ABCB5: variants seen among roughly 807,000 people sequenced by gnomAD.
ABCB5 encodes the protein ATP-binding cassette sub-family B member 5.
In ABCB5, 155 loss-of-function variants were observed where a neutral mutation model predicts 144.2. That is an observed-to-expected ratio of 1.08 (90% CI 0.94 to 1.23). ABCB5 has a LOEUF of 1.23. ABCB5 is among the 50% of genes most tolerant of loss of function. The probability of loss-of-function intolerance (pLI) is 0.00; values close to 1 mark genes in which losing one functional copy is unlikely to be tolerated. For synonymous variants in ABCB5, 610 were observed against 528.6 expected (o/e 1.15, Z -2.11); for missense variants, 1,830 against 1,520.8 (o/e 1.20, Z -3.38).
At chr7:20,740,252 AT>A (rs542724378) in intron 24 of ABCB5, among the ~76,000 whole-genome samples, 11 of 152,296 alleles carry the variant, frequency 7.2e-5, no homozygotes, top group African/African-American at 2.6e-4. Flanking sequence ...AAATAAATAA[AT>A]AAATACAAAA....
chr7:20,674,245 G>C (rs1785536866), intron 14 of ABCB5, among the ~76,000 whole-genome samples: 2 of 151,954 alleles, frequency 1.3e-5, no homozygotes, highest in Middle Eastern at 3.4e-3. Flanking sequence ...ATTCTTTTGT[G>C]TATATCCATA....
At position 20,753,414 on chromosome 7, in the gene ABCB5, C is replaced by CA. The variant is rs770113844; in HGVS notation, c.3487dup (p.Arg1163LysfsTer19). The CA allele has an allele frequency of 5.0e-6, 8 of 1,614,084 alleles. No homozygotes were observed. In the South Asian group the frequency reaches 8.8e-5, roughly 18 times the overall value. On this transcript the variant is annotated frameshift_variant, in exon 27 of 28. Coordinates refer to ENST00000404938, the MANE Select transcript of ABCB5 (RefSeq NM_001163941.2). LOFTEE classifies it high-confidence loss of function. ...AGCACAGCTTTCTGGCGGCCAGAAACAAAGACTAGCTATTGCAAGGGCTCT... is the reference window on the plus strand; with the variant it reads ...AGCACAGCTTTCTGGCGGCCAGAAACAAAAGACTAGCTATTGCAAGGGCTCT...
intron 16 of ABCB5, among the ~76,000 whole-genome samples, chr7:20,688,483 G>A (rs890423739): frequency 6.6e-6 from 1 of 152,166 alleles, no homozygotes. Flanking sequence ...GTGCTGGAGA[G>A]GATGTGGAGA....
intron 9 of ABCB5, 68 bp from the exon 10 acceptor site, chr7:20,647,467 A>T (rs1226918925): frequency 1.2e-5 from 18 of 1,483,616 alleles, no homozygotes; most frequent in Non-Finnish European, 1.4e-5. Context: ...CAATAATTAT[A>T]TATTACATTC....
intron 23 of ABCB5, among the ~76,000 whole-genome samples, chr7:20,736,628 A>G (rs1782386682): frequency 6.6e-6 from 1 of 152,246 alleles, no homozygotes; most frequent in Non-Finnish European, 1.5e-5. Context: ...GTTGGCCTGT[A>G]CATTTCTCCC....
intron 11 of ABCB5, among the ~76,000 whole-genome samples, chr7:20,648,464 C>T (rs1037343018): frequency 2.0e-5 from 3 of 152,068 alleles, no homozygotes; most frequent in Non-Finnish European, 4.4e-5. Flanking sequence ...TCCCTTCTTC[C>T]TTTCCTGGGG....
chr7:20,698,626 C>G (rs1786505240), intron 17 of ABCB5, 76 bp downstream of exon 17: 2 of 1,400,572 alleles, frequency 1.4e-6, no homozygotes, highest in Non-Finnish European at 1.9e-6. Flanking sequence ...TTGTATCAGT[C>G]TAAACCACAA....
intron 16 of ABCB5, among the ~76,000 whole-genome samples, chr7:20,690,433 T>G (rs530876759): frequency 6.6e-6 from 1 of 152,362 alleles, no homozygotes; most frequent in South Asian, 2.1e-4. Flanking sequence ...TATCATTTAG[T>G]ATATTTACAC....
chr7:20,644,708 C>T (rs1031473698), intron 7 of ABCB5, among the ~76,000 whole-genome samples: 1 of 152,216 alleles, frequency 6.6e-6, no homozygotes, highest in Non-Finnish European at 1.5e-5. Context: ...CAACACTAAT[C>T]ATTCTTTATG....
At chr7:20,695,885 TAGAA>T (rs1786395890) in intron 16 of ABCB5, among the ~76,000 whole-genome samples, 1 of 152,050 alleles carries the variant, frequency 6.6e-6, no homozygotes, top group Non-Finnish European at 1.5e-5. Flanking sequence ...ATACACCTGT[TAGAA>T]TGGTTAAATC....
chr7:20,689,985 T>G (rs530066481), intron 16 of ABCB5, among the ~76,000 whole-genome samples: 1 of 152,306 alleles, frequency 6.6e-6, no homozygotes, highest in South Asian at 2.1e-4. Context: ...GACCGGTTCA[T>G]GCAGGGCCTC....
At chr7:20,691,585 T>TATTTATTTATTC (rs1786232549) in intron 16 of ABCB5, among the ~76,000 whole-genome samples, 1 of 149,804 alleles carries the variant, frequency 6.7e-6, no homozygotes, top group Non-Finnish European at 1.5e-5. Context: ...AATTCATTTT[T>TATTTATTTATTC]ATTTATTTAT....
At chr7:20,738,899 C>G (rs1782472007) in intron 23 of ABCB5, 84 bp from the exon 24 acceptor site, 2 of 1,396,306 alleles carry the variant, frequency 1.4e-6, no homozygotes, top group Non-Finnish European at 9.5e-7. Flanking sequence ...TATTCCTGTG[C>G]CTGCTTTTTT....
chr7:20,749,660 T>C (rs1782855597), intron 26 of ABCB5, among the ~76,000 whole-genome samples: 1 of 151,854 alleles, frequency 6.6e-6, no homozygotes, highest in African/African-American at 2.4e-5. Context: ...TGAAGCCCAA[T>C]AGTTAAGATG....
chr7:20,704,904 A>AC, intron 20 of ABCB5, 97 bp downstream of exon 20: 2 of 935,042 alleles, frequency 2.1e-6, no homozygotes, highest in Non-Finnish European at 3.2e-6. Flanking sequence ...CTGTGCTGAG[A>AC]TGACCCACAT....
Position 20,658,754 on chromosome 7 carries a change from TA to T in ABCB5, c.1707+80del, listed in dbSNP as rs549318684. On this transcript the variant is annotated intron_variant, in intron 14 of 27. Transcript: ENST00000404938. ...TGAAGTACAAGAAAGTATAGATCTG[TA>T]ATAGATTACTCAAGTTGAGAGCCCT... The T allele has an allele frequency of 6.0e-6, 9 of 1,504,390 alleles. No individual in the cohort carries two copies. The African/African-American group carries it at 9.7e-5, about 16-fold the overall frequency. 93.2% of individuals were successfully genotyped at this position (1,504,390 alleles called of 1,614,324 possible). A position where few individuals can be genotyped will look rare whatever the true frequency, so the allele number is the denominator to read the frequency against.
intron 14 of ABCB5, among the ~76,000 whole-genome samples, chr7:20,668,396 C>T (rs1361243304): frequency 5.4e-5 from 8 of 148,666 alleles, no homozygotes; most frequent in Non-Finnish European, 8.9e-5. Context: ...ATGTGAGGAG[C>T]GCCTCTGCTG....
chr7:20,653,378 T>A (rs535476200), intron 13 of ABCB5, among the ~76,000 whole-genome samples: 10 of 152,278 alleles, frequency 6.6e-5, no homozygotes, highest in African/African-American at 1.9e-4. Flanking sequence ...AAGTGGCTAA[T>A]TTAGGTAGGT....
Position 20,704,776 on chromosome 7 carries a change from T to C in ABCB5, c.2390T>C (p.Ile797Thr), listed in dbSNP as rs1404424911. Reference protein sequence around the residue: ...KENSTGGLTTILAIDIAQIQG... With the variant: ...KENSTGGLTTTLAIDIAQIQG... ...AACAGCACAGGAGGCTTGACAACAA[T>C]ATTAGCCATAGATATAGCACAAATT... Residue 797 changes from isoleucine (I) to threonine (T), a missense_variant, in exon 20 of 28, where the codon ATA becomes ACA. Coordinates refer to ENST00000404938, the MANE Select transcript of ABCB5 (RefSeq NM_001163941.2). The C allele has an allele frequency of 6.2e-7, 1 of 1,613,722 alleles. No homozygotes were observed.
Sources: gnomAD v4.1 joint callset for allele counts (sites outside exome capture counted in the v4.1 genomes callset) on GRCh38, gnomAD v4.1.1 for gene constraint, MANE v1.5 for transcripts, NCBI Gene and HGNC (gene_info 2026-07-23, HGNC 2026-07-21) for gene names.